The following ARHGAP32 variants were observed in gnomAD, a reference collection of about 807,000 sequenced individuals.
ARHGAP32 encodes the protein rho GTPase-activating protein 32.
A neutral mutation model predicts 186.5 loss-of-function variants in ARHGAP32; 51 were observed. The ratio of observed to expected loss-of-function variants is 0.27; its 90% CI spans 0.22 to 0.35. The LOEUF (loss-of-function observed/expected upper bound fraction) is 0.35, where lower values mean the gene tolerates loss of function less well. Among genes scored for constraint, ARHGAP32 ranks in the 10% least tolerant of loss-of-function variants. The pLI is 1.00. For missense variants in ARHGAP32, 2,186 were observed against 2,623.5 expected (o/e 0.83, Z 3.64); for synonymous variants, 950 against 964.3 (o/e 0.99, Z 0.27).
At chr11:129,200,131 CCTT>C (rs1479466639) in intron 1 of ARHGAP32, among the ~76,000 whole-genome samples, 1 of 152,166 alleles carries the variant, frequency 6.6e-6, no homozygotes, top group Non-Finnish European at 1.5e-5. Context: ...AGGTAACTAA[CCTT>C]CTTTTGATTT....
At chr11:129,212,169 GAAAAT>G (rs1401890010) in intron 1 of ARHGAP32, among the ~76,000 whole-genome samples, 1 of 151,904 alleles carries the variant, frequency 6.6e-6, no homozygotes, top group Non-Finnish European at 1.5e-5. Flanking sequence ...TATGAAAAAA[GAAAAT>G]AAAAGTACTG....
chr11:129,130,823 T>G (rs942715766), intron 2 of ARHGAP32, among the ~76,000 whole-genome samples: 1 of 152,168 alleles, frequency 6.6e-6, no homozygotes, highest in African/African-American at 2.4e-5. Flanking sequence ...CATGATCCTA[T>G]GACTACACTC....
Position 129,123,675 on chromosome 11 carries a change from A to T in ARHGAP32, c.360-145T>A, listed in dbSNP as rs1030767060. The T allele has an allele frequency of 5.1e-6, 4 of 788,674 alleles. No individual in the cohort carries two copies. The African/African-American group carries it at 7.0e-5, about 14-fold the overall frequency. The allele number at this position is 788,674 out of a possible 1,614,324, so 48.9% of individuals were successfully genotyped here. A position where few individuals can be genotyped will look rare whatever the true frequency, so the allele number is the denominator to read the frequency against. The stretch of plus-strand genomic sequence containing the variant: ...CGCATGAGCCACACATATCCGCACA[A>T]ATCCTCTTAAAAATACACTGAGTCA... On this transcript the variant is annotated intron_variant, in intron 4 of 22. Transcript: ENST00000682385. This position sits in a 1 kb window ranked among gnomAD's most constrained non-coding sequence, Gnocchi z 4.6.
At chr11:129,109,530 T>C (rs933878992) in intron 5 of ARHGAP32, among the ~76,000 whole-genome samples, 2 of 152,088 alleles carry the variant, frequency 1.3e-5, no homozygotes, top group Non-Finnish European at 2.9e-5. Context: ...TACTCATTTA[T>C]ATTCCTGACA....
chr11:129,118,751 A>G (rs1942440457), intron 5 of ARHGAP32, among the ~76,000 whole-genome samples: 1 of 151,974 alleles, frequency 6.6e-6, no homozygotes, highest in Non-Finnish European at 1.5e-5. Context: ...CATTTATTTA[A>G]AAGGGGTGGA....
rs1308352492 is a variant in ARHGAP32, at chr11:129,060,481, C to G, written c.963+1799G>C. 2.6e-5 allele frequency among the ~76,000 whole-genome samples: 4 copies of G among 152,140 alleles called. No homozygotes were observed. The South Asian group carries it at 6.2e-4, about 24-fold the overall frequency. On this transcript the variant is annotated intron_variant, in intron 10 of 22. Transcript: ENST00000682385. The stretch of plus-strand genomic sequence containing the variant: ...AAAGCCAAATTAATCTTTTGATCAT[C>G]TTTGAGACCCTTAAGTCTATTGTTC...
chr11:129,239,939 T>G (rs540229451), intron 1 of ARHGAP32, among the ~76,000 whole-genome samples: 1 of 152,332 alleles, frequency 6.6e-6, no homozygotes, highest in African/African-American at 2.4e-5. Context: ...TCTCTCAGAC[T>G]ACAAATTCTA....
At chr11:128,977,099 G>A (rs1256237185) in intron 19 of ARHGAP32, among the ~76,000 whole-genome samples, 1 of 152,168 alleles carries the variant, frequency 6.6e-6, no homozygotes, top group Non-Finnish European at 1.5e-5. Flanking sequence ...CAGCCACCAG[G>A]AGCTTGGAAA....
rs1479510788 is a variant in ARHGAP32 at position 129,181,275 on chromosome 11, C to T, written c.116+10808G>A. ...TTATGGTCAGACCATTTGATATCTA[C>T]TCTCTATTAGCAACAGAGAATTTGG... On this transcript the variant is annotated intron_variant, in intron 1 of 22. Transcript: ENST00000682385. Among the ~76,000 whole-genome samples, 10 of 152,256 alleles carry T rather than the reference C, an allele frequency of 6.6e-5. No homozygotes were observed. The South Asian group carries it at 2.1e-3, about 32-fold the overall frequency.
chr11:129,012,466 T>C (rs1938128830), intron 11 of ARHGAP32, among the ~76,000 whole-genome samples: 1 of 152,164 alleles, frequency 6.6e-6, no homozygotes, highest in Non-Finnish European at 1.5e-5. Flanking sequence ...TCTCAGATCT[T>C]GGGTGCTAAA....
At chr11:129,180,161 T>C (rs2135529775) in intron 1 of ARHGAP32, among the ~76,000 whole-genome samples, 1 of 152,248 alleles carries the variant, frequency 6.6e-6, no homozygotes, top group East Asian at 1.9e-4. Context: ...CTAGTTTTAA[T>C]ATTTTTCATA....
intron 1 of ARHGAP32, among the ~76,000 whole-genome samples, chr11:129,216,688 A>AG (rs1391354101): frequency 2.3e-4 from 32 of 140,092 alleles, no homozygotes; most frequent in Non-Finnish European, 3.5e-4. Flanking sequence ...AAAAAAAAAA[A>AG]AAAAAGACAA....
chr11:129,064,771 T>C, intron 8 of ARHGAP32, 70 bp downstream of exon 8: 1 of 1,206,140 alleles, frequency 8.3e-7, no homozygotes, highest in South Asian at 1.4e-5. Context: ...ATCAAAATTA[T>C]GTTAATATCA....
At chr11:129,071,803 G>A (rs1344699575) in intron 6 of ARHGAP32, among the ~76,000 whole-genome samples, 1 of 152,128 alleles carries the variant, frequency 6.6e-6, no homozygotes, top group African/African-American at 2.4e-5. Flanking sequence ...CCAAGTTATG[G>A]AATCAACTTA....
At chr11:129,172,413 T>G (rs936140561) in intron 1 of ARHGAP32, among the ~76,000 whole-genome samples, 1 of 152,218 alleles carries the variant, frequency 6.6e-6, no homozygotes, top group Non-Finnish European at 1.5e-5. Flanking sequence ...CTTTTCTGCA[T>G]CTGTTGAGAT....
intron 22 of ARHGAP32, 49 bp downstream of exon 22, chr11:128,972,404 A>G (rs1247401122): frequency 3.4e-6 from 5 of 1,486,794 alleles, no homozygotes; most frequent in Non-Finnish European, 1.8e-6. Context: ...AAAGTGACAT[A>G]CCTTTGGTAA....
At chr11:128,981,986 A>G in intron 15 of ARHGAP32, 50 bp from the exon 16 acceptor site, 2 of 1,183,976 alleles carry the variant, frequency 1.7e-6, no homozygotes, top group Non-Finnish European at 2.4e-6. Flanking sequence ...ATGCAGCAGT[A>G]TAGAACATAA....
chr11:129,123,854 C>A lies in ARHGAP32; in HGVS notation c.359+34G>T. ...TGGACAGCCAGCTTCTAACCAGAAG[C>A]ATTCCCAACACAAAGTAGAAAACCA... On this transcript the variant is annotated intron_variant, in intron 4 of 22. Transcript: ENST00000682385. This position sits in a 1 kb window ranked among gnomAD's most constrained non-coding sequence, Gnocchi z 4.6. 1 of 1,306,336 alleles carries A rather than the reference C, an allele frequency of 7.7e-7. No individual in the cohort carries two copies. Among genetic ancestry groups the A allele is most frequent in the Non-Finnish European group, 1.0e-6 (1 of 1,000,508 alleles). 80.9% of individuals were successfully genotyped at this position (1,306,336 alleles called of 1,614,324 possible). A position where few individuals can be genotyped will look rare whatever the true frequency, so the allele number is the denominator to read the frequency against.
intron 2 of ARHGAP32, among the ~76,000 whole-genome samples, chr11:129,159,247 A>T (rs1005432632): frequency 7.9e-5 from 12 of 152,198 alleles, no homozygotes; most frequent in Non-Finnish European, 1.8e-4. Flanking sequence ...CCTTAAAAAA[A>T]ATCAGTGAAT....
Sources: allele counts gnomAD v4.1 joint callset (sites outside exome capture counted in the v4.1 genomes callset), GRCh38; gene constraint gnomAD v4.1.1; non-coding constraint Gnocchi (gnomAD v3.1); transcripts MANE v1.5; gene names NCBI Gene and HGNC (gene_info 2026-07-23, HGNC 2026-07-21).